Variants in TXNDC15 observed in about 807,000 individuals in gnomAD.
The protein encoded by TXNDC15 is thioredoxin domain-containing protein 15.
In TXNDC15, 24 loss-of-function variants were observed where a neutral mutation model predicts 35.0. The observed-to-expected ratio is 0.68, with a 90% confidence interval of 0.50 to 0.96. The LOEUF is 0.96. Ranked by LOEUF, TXNDC15 falls within the 40% of genes least tolerant of loss-of-function variation. TXNDC15 has a pLI of 0.00. For synonymous variants in TXNDC15, 169 were observed against 174.0 expected, an observed-to-expected ratio of 0.97 and a Z score of 0.23; for missense variants, 385 against 453.3, an observed-to-expected ratio of 0.85 and a Z score of 1.37.
At chr5:134,891,447 A>G (rs1750386139) in intron 2 of TXNDC15, among the ~76,000 whole-genome samples, 1 of 152,216 alleles carries the variant, frequency 6.6e-6, no homozygotes, top group African/African-American at 2.4e-5. Context: ...GTCAACGAGT[A>G]TAATATTTTG....
chr5:134,874,627 C>A (rs1410039870), intron 1 of TXNDC15, 97 bp downstream of exon 1: 1 of 971,740 alleles, frequency 1.0e-6, no homozygotes, highest in Admixed American at 3.0e-5. Context: ...CGGTGCGCGA[C>A]TCGCCCCTTC....
intron 3 of TXNDC15, among the ~76,000 whole-genome samples, chr5:134,894,100 CT>C (rs748482091): frequency 9.2e-5 from 14 of 151,596 alleles, no homozygotes; most frequent in Non-Finnish European, 1.9e-4. Context: ...TTTTTCTTTC[CT>C]TCTTTTCCCT....
intron 1 of TXNDC15, among the ~76,000 whole-genome samples, chr5:134,886,513 A>G (rs2150186989): frequency 6.6e-6 from 1 of 152,338 alleles, no homozygotes; most frequent in South Asian, 2.1e-4. Flanking sequence ...GTACGAGACT[A>G]CCTGGGACTC....
chr5:134,889,720 C>T (rs1750350355), intron 2 of TXNDC15, among the ~76,000 whole-genome samples: 1 of 152,182 alleles, frequency 6.6e-6, no homozygotes, highest in African/African-American at 2.4e-5. Context: ...TTAGTACAGG[C>T]ATACCTCAAA....
chr5:134,899,121 GAAA>G (rs1363469131), intron 4 of TXNDC15, among the ~76,000 whole-genome samples: 1 of 151,674 alleles, frequency 6.6e-6, no homozygotes, highest in Non-Finnish European at 1.5e-5. Flanking sequence ...CTTAACCTGT[GAAA>G]ACATTCTGTA....
intron 4 of TXNDC15, among the ~76,000 whole-genome samples, chr5:134,897,303 A>AATGGC (rs369409893): frequency 2.5e-3 from 385 of 152,120 alleles, no homozygotes; most frequent in African/African-American, 8.7e-3. Context: ...ACTGGAGTGC[A>AATGGC]ATGGCATAAT....
chr5:134,899,641 A>T lies in TXNDC15; in HGVS notation c.1039A>T (p.Ile347Phe). The T allele has an allele frequency of 6.2e-7, 1 of 1,612,658 alleles. No individual in the cohort carries two copies. Among genetic ancestry groups the T allele is most frequent in the Non-Finnish European group, 8.5e-7 (1 of 1,179,570 alleles). The change falls in exon 5 of 5, where the codon ATT (isoleucine) becomes TTT (phenylalanine). Residue 347 changes from isoleucine (I) to phenylalanine (F), a missense_variant. By Grantham distance (21) the Ile-to-Phe change is conservative (BLOSUM62 0). Transcript: ENST00000358387. ...GTATGCTACCATTCGAACTGAGAGT[A>T]TTCGGTGGCTAATTCCAGGACAAGA... is the stretch of plus-strand genomic sequence containing the variant. Reference protein sequence around the residue: ...IMYATIRTESIRWLIPGQEQE... With the variant: ...IMYATIRTESFRWLIPGQEQE...
In TXNDC15 at chr5:134,899,529, C is replaced by T. The variant is rs771645693; in HGVS notation, c.927C>T (p.Asp309=). ...AKKNVVVTQA[D]QIGPLPSTLI... ...AGAATGTGGTGGTAACTCAAGCCGA[C>T]CAAATAGGCCCTCTTCCCAGCACTT... is the stretch of plus-strand genomic sequence containing the variant. The change falls in exon 5 of 5, where the codon GAC becomes GAT. Residue 309 remains aspartate (D), a synonymous_variant. Coordinates refer to ENST00000358387, the MANE Select transcript of TXNDC15 (RefSeq NM_024715.4). 6.2e-7 allele frequency: 1 copy of T among 1,613,598 alleles called. No homozygotes were observed. The highest frequency in any genetic ancestry group is 8.5e-7 in the Non-Finnish European group (1 of 1,179,912).
chr5:134,885,990 G>C (rs1040323614), intron 1 of TXNDC15, among the ~76,000 whole-genome samples: 2 of 152,072 alleles, frequency 1.3e-5, no homozygotes, highest in Non-Finnish European at 2.9e-5. Flanking sequence ...AGATCAGTAG[G>C]GTAACTGTAG....
At chr5:134,890,565 A>G (rs1220896103) in intron 2 of TXNDC15, among the ~76,000 whole-genome samples, 5 of 151,944 alleles carry the variant, frequency 3.3e-5, no homozygotes, top group Admixed American at 6.6e-5. Flanking sequence ...CGTGCTTCAC[A>G]TGCCCAGCTA....
intron 4 of TXNDC15, among the ~76,000 whole-genome samples, chr5:134,898,427 C>T (rs1750536837): frequency 6.6e-6 from 1 of 152,178 alleles, no homozygotes; most frequent in African/African-American, 2.4e-5. Flanking sequence ...TAAAGCCTCA[C>T]TGTCTCAATT....
Position 134,899,990 on chromosome 5 carries a change from G to C in TXNDC15, c.*305G>C, listed in dbSNP as rs1750568695. On this transcript the variant is annotated 3_prime_UTR_variant, in exon 5 of 5. Coordinates refer to ENST00000358387, the MANE Select transcript of TXNDC15 (RefSeq NM_024715.4). ...AAGATGTATTCCGGCAGAATAGTGA[G>C]TAGAATGACATGCTTACTATACAGA... 1 of 247,350 alleles carries C rather than the reference G, an allele frequency of 4.0e-6. No individual in the cohort carries two copies. Among genetic ancestry groups the C allele is most frequent in the South Asian group, 7.9e-5 (1 of 12,724 alleles). 15.3% of individuals were successfully genotyped at this position (247,350 alleles called of 1,614,324 possible).
At chr5:134,895,586 C>T (rs1030477324) in intron 3 of TXNDC15, among the ~76,000 whole-genome samples, 2 of 152,150 alleles carry the variant, frequency 1.3e-5, no homozygotes, top group African/African-American at 4.8e-5. Context: ...ATTTAAGTTA[C>T]AGCATGTGTA....
At chr5:134,883,587 C>CAAAAAAAAAAAAAAA (rs60114636) in intron 1 of TXNDC15, among the ~76,000 whole-genome samples, 46 of 65,358 alleles carry the variant, frequency 7.0e-4, no homozygotes, top group African/African-American at 3.3e-3. Context: ...GACCCTGTCT[C>CAAAAAAAAAAAAAAA]AAAAAAAAAA....
intron 1 of TXNDC15, among the ~76,000 whole-genome samples, chr5:134,884,637 G>A (rs960087055): frequency 6.6e-6 from 1 of 151,904 alleles, no homozygotes; most frequent in East Asian, 1.9e-4. Context: ...CTTGATCTTG[G>A]CTCACTGCAA....
chr5:134,874,392 G>A lies in TXNDC15; in HGVS notation c.-36G>A, dbSNP rs753629491. On this transcript the variant is annotated 5_prime_UTR_variant, in exon 1 of 5. Coordinates refer to ENST00000358387, the MANE Select transcript of TXNDC15 (RefSeq NM_024715.4). The stretch of plus-strand genomic sequence containing the variant: ...CTTCCTCCGGCTGGCAGCACGACTC[G>A]CGTAGCCGTGCGCCGATTGCCTCTC... 3.9e-6 allele frequency: 6 copies of A among 1,534,756 alleles called. No homozygotes were observed. Among genetic ancestry groups the A allele is most frequent in the Admixed American group, 3.7e-5 (2 of 54,652 alleles).
intron 3 of TXNDC15, among the ~76,000 whole-genome samples, chr5:134,894,622 A>G (rs1181664265): frequency 1.3e-5 from 2 of 152,072 alleles, no homozygotes; most frequent in African/African-American, 4.8e-5. Context: ...CGGCCTCCCA[A>G]AGTGCTGGGA....
chr5:134,884,645 C>G (rs1010337871), intron 1 of TXNDC15, among the ~76,000 whole-genome samples: 4 of 152,120 alleles, frequency 2.6e-5, no homozygotes, highest in Non-Finnish European at 4.4e-5. Flanking sequence ...TGGCTCACTG[C>G]AACCTCTGCC....
rs751000456 is a variant in TXNDC15, at chr5:134,874,433, C to T, written c.6C>T (p.Val2=). ...ATTGCCTCTCGGCCTGGGCAATGGT[C>T]CCGGCTGCCGGTCGACGACCGCCCC... is the stretch of plus-strand genomic sequence containing the variant. M[V]PAAGRRPPRV... is the part of the protein sequence containing the mutation. Residue 2 remains valine (V), a synonymous_variant, in exon 1 of 5, where the codon GTC becomes GTT. Transcript: ENST00000358387. 104 of 1,599,578 alleles carry T rather than the reference C, an allele frequency of 6.5e-5. No individual in the cohort carries two copies. The highest frequency in any genetic ancestry group is 8.8e-5 in the Non-Finnish European group (103 of 1,176,354).
Sources: gnomAD v4.1 joint callset for allele counts (sites outside exome capture counted in the v4.1 genomes callset) on GRCh38, gnomAD v4.1.1 for gene constraint, MANE v1.5 for transcripts, NCBI Gene and HGNC (gene_info 2026-07-23, HGNC 2026-07-21) for gene names.